The following RNF121 variants were observed in gnomAD, a reference collection of about 807,000 sequenced individuals.
RNF121 encodes ring finger protein 121, also known as E3 ubiquitin ligase RNF121.
In RNF121, 21 loss-of-function variants were observed where a neutral mutation model predicts 46.5. That is an observed-to-expected ratio of 0.45 (90% confidence interval 0.32 to 0.65). The LOEUF is 0.65. Among genes scored for constraint, RNF121 ranks in the 30% least tolerant of loss-of-function variants. RNF121 has a pLI of 0.04. For missense variants in RNF121, 346 were observed against 416.0 expected (o/e 0.83, Z 1.46); for synonymous variants, 139 against 144.7 (o/e 0.96, Z 0.28).
rs117963208 is a variant in RNF121, at chr11:71,982,295, C to T, written c.244-466C>T. On this transcript the variant is annotated intron_variant, in intron 3 of 8. Transcript: ENST00000361756. ...AGGCTACAGTGAGCCAGGATCACAC[C>T]GTTACACTCCAACCTGGGCAACAGA... 2.0e-3 allele frequency among the ~76,000 whole-genome samples: 274 copies of T among 140,244 alleles called. 9 individuals carry two copies. In the East Asian group the frequency reaches 0.042, roughly 21 times the overall value. The allele number at this position is 140,244 out of a possible 152,430, so 92.0% of individuals were successfully genotyped here.
At chr11:71,943,841 T>C (rs555487586) in intron 1 of RNF121, among the ~76,000 whole-genome samples, 5 of 150,874 alleles carry the variant, frequency 3.3e-5, no homozygotes, top group African/African-American at 1.2e-4. Context: ...AGGTGGGAGG[T>C]GAGAAAGAGA....
At chr11:71,995,657 C>A in intron 8 of RNF121, 106 bp downstream of exon 8, 1 of 803,222 alleles carries the variant, frequency 1.2e-6, no homozygotes, top group Non-Finnish European at 2.1e-6. Context: ...TGCCCCCAAC[C>A]AGAACATGTC....
At chr11:71,970,598 G>A (rs1038204033) in intron 3 of RNF121, among the ~76,000 whole-genome samples, 5 of 151,960 alleles carry the variant, frequency 3.3e-5, no homozygotes, top group Admixed American at 1.3e-4. Flanking sequence ...GGAGTTTAAC[G>A]CTTCAGTAAA....
rs549649977 is a variant in RNF121, at chr11:71,995,484, G to A, written c.796G>A (p.Val266Met). ...GTTCTGCATCCGTGGCTGGTGCATCGTGGGAAAGAAGCAAACGTGTCCCTA... is the reference window on the plus strand; with the variant it reads ...GTTCTGCATCCGTGGCTGGTGCATCATGGGAAAGAAGCAAACGTGTCCCTA... ...HEFCIRGWCIVGKKQTCPYCK... is the reference protein window; with the variant it reads ...HEFCIRGWCIMGKKQTCPYCK... The change falls in exon 8 of 9, where the codon GTG (valine) becomes ATG (methionine). Residue 266 changes from valine (V) to methionine (M), a missense_variant. This residue lies in a region of RNF121 where 286 missense variants were observed against 383.8 expected (regional missense o/e 0.75). Transcript: ENST00000361756. 9 of 1,592,200 alleles carry A rather than the reference G, an allele frequency of 5.7e-6. No homozygotes were observed. The highest frequency in any genetic ancestry group is 2.3e-5 in the East Asian group (1 of 44,300).
chr11:71,986,506 G>A (rs534168739), intron 4 of RNF121, among the ~76,000 whole-genome samples: 149 of 152,186 alleles, frequency 9.8e-4, no homozygotes, highest in Non-Finnish European at 1.2e-3. Context: ...GGTGGCTCAC[G>A]CCTATAATCC....
At chr11:71,982,510 C>A (rs1954685894) in intron 3 of RNF121, among the ~76,000 whole-genome samples, 1 of 152,062 alleles carries the variant, frequency 6.6e-6, no homozygotes. Flanking sequence ...GTCAGCCAGC[C>A]AAGTGGTAGC....
At chr11:71,961,966 ATTT>A (rs11399586) in intron 3 of RNF121, among the ~76,000 whole-genome samples, 1 of 134,282 alleles carries the variant, frequency 7.4e-6, no homozygotes. Flanking sequence ...ATCTGCAAAG[ATTT>A]TTTTTTTTTT....
At chr11:71,982,697 G>C in intron 3 of RNF121, 64 bp from the exon 4 acceptor site, 1 of 1,491,424 alleles carries the variant, frequency 6.7e-7, no homozygotes, top group Non-Finnish European at 9.0e-7. Context: ...AGCTGCATTT[G>C]GGACTGTGGA....
chr11:71,975,812 C>T (rs781224663), intron 3 of RNF121, among the ~76,000 whole-genome samples: 1 of 152,162 alleles, frequency 6.6e-6, no homozygotes, highest in Non-Finnish European at 1.5e-5. Flanking sequence ...TTACTTTGTG[C>T]TCCTCTGAAA....
chr11:71,968,068 CT>C (rs11377249), intron 3 of RNF121, among the ~76,000 whole-genome samples: 29 of 148,680 alleles, frequency 2.0e-4, no homozygotes, highest in Admixed American at 1.9e-3. Flanking sequence ...TATGAACGAT[CT>C]TTTTTTTTTT....
intron 1 of RNF121, among the ~76,000 whole-genome samples, chr11:71,942,537 C>A (rs556752881): frequency 6.6e-6 from 1 of 151,628 alleles, no homozygotes; most frequent in Non-Finnish European, 1.5e-5. Flanking sequence ...CTGAGGCGGG[C>A]GGATTACTTG....
chr11:71,985,420 C>G (rs952495795), intron 4 of RNF121, among the ~76,000 whole-genome samples: 3 of 152,190 alleles, frequency 2.0e-5, no homozygotes, highest in Non-Finnish European at 2.9e-5. Flanking sequence ...TAAAACATCA[C>G]TTAATCCATA....
chr11:71,929,832 A>C (rs1486553336), intron 1 of RNF121, among the ~76,000 whole-genome samples: 2 of 152,196 alleles, frequency 1.3e-5, no homozygotes. Context: ...ACAGACAAGA[A>C]GACTAGTCAT....
At chr11:71,980,312 T>C (rs1954622631) in intron 3 of RNF121, among the ~76,000 whole-genome samples, 1 of 151,244 alleles carries the variant, frequency 6.6e-6, no homozygotes. Context: ...TTCTGTTCTG[T>C]TCTCTTCTCA....
intron 1 of RNF121, among the ~76,000 whole-genome samples, chr11:71,942,950 G>A (rs1485061248): frequency 6.6e-6 from 1 of 152,016 alleles, no homozygotes; most frequent in East Asian, 1.9e-4. Context: ...GTCTTCACAT[G>A]GCAGAAGGGA....
intron 1 of RNF121, among the ~76,000 whole-genome samples, chr11:71,950,817 C>G (rs1232562646): frequency 1.3e-5 from 2 of 152,036 alleles, no homozygotes; most frequent in Non-Finnish European, 2.9e-5. Flanking sequence ...ACTTTTAATT[C>G]TGTGGTAACT....
At chr11:71,946,805 C>T (rs896702917) in intron 1 of RNF121, among the ~76,000 whole-genome samples, 10 of 148,302 alleles carry the variant, frequency 6.7e-5, no homozygotes, top group African/African-American at 2.2e-4. Flanking sequence ...CTCTGCCTCC[C>T]GGGTTCAAGT....
chr11:71,931,545 G>A (rs560503138), intron 1 of RNF121, among the ~76,000 whole-genome samples: 5 of 152,276 alleles, frequency 3.3e-5, no homozygotes, highest in South Asian at 2.1e-4. Context: ...GGTGAAATCC[G>A]TCTTTAATAT....
At chr11:71,943,299 C>T (rs1478907096) in intron 1 of RNF121, among the ~76,000 whole-genome samples, 1 of 152,142 alleles carries the variant, frequency 6.6e-6, no homozygotes, top group Non-Finnish European at 1.5e-5. Context: ...GAGTAAATGG[C>T]ATCACCATGG....
Sources: allele counts gnomAD v4.1 joint callset (sites outside exome capture counted in the v4.1 genomes callset), GRCh38; gene constraint gnomAD v4.1.1; regional missense constraint gnomAD v4.1.1; transcripts MANE v1.5; gene names NCBI Gene and HGNC (gene_info 2026-07-23, HGNC 2026-07-21).